The following FILIP1L variants were observed in gnomAD, a reference collection of about 807,000 sequenced individuals.
FILIP1L encodes filamin A interacting protein 1 like.
Under a neutral mutation model 96.6 loss-of-function variants are expected in FILIP1L, and 55 were observed. That is an observed-to-expected ratio of 0.57 (90% CI 0.46 to 0.71). The LOEUF is 0.71. Among genes scored for constraint, FILIP1L ranks in the 30% least tolerant of loss-of-function variants. FILIP1L has a pLI of 0.00. For missense variants in FILIP1L, 1,304 were observed against 1,321.2 expected (o/e 0.99, Z 0.20); for synonymous variants, 467 against 473.9 (o/e 0.99, Z 0.19).
At chr3:100,020,643 C>G (rs546226327) in intron 1 of FILIP1L, among the ~76,000 whole-genome samples, 2 of 150,840 alleles carry the variant, frequency 1.3e-5, no homozygotes, top group African/African-American at 4.9e-5. Flanking sequence ...TTAAAATAGT[C>G]TTAAAGTTCT....
chr3:99,867,472 A>C (rs1944578953), intron 4 of FILIP1L, among the ~76,000 whole-genome samples: 1 of 152,220 alleles, frequency 6.6e-6, no homozygotes, highest in Non-Finnish European at 1.5e-5. Flanking sequence ...TTTAAAGTTT[A>C]CTAATTCACA....
At chr3:100,009,993 A>G (rs1710097597) in intron 1 of FILIP1L, 1 of 155,882 alleles carries the variant, frequency 6.4e-6, no homozygotes, top group Non-Finnish European at 1.4e-5. Flanking sequence ...GTGTTTCCTG[A>G]TCTGGTATAG....
At chr3:100,006,934 A>C (rs1004374350) in intron 1 of FILIP1L, among the ~76,000 whole-genome samples, 2 of 152,216 alleles carry the variant, frequency 1.3e-5, no homozygotes, top group African/African-American at 2.4e-5. Flanking sequence ...AACTTGTTTT[A>C]AAAAGTGTTT....
At chr3:99,963,580 G>A (rs1708556439) in intron 1 of FILIP1L, among the ~76,000 whole-genome samples, 1 of 152,014 alleles carries the variant, frequency 6.6e-6, no homozygotes, top group Non-Finnish European at 1.5e-5. Flanking sequence ...ACTCCTCTTT[G>A]CCTTGATGGT....
At chr3:99,997,699 C>T (rs1343474093) in intron 1 of FILIP1L, among the ~76,000 whole-genome samples, 1 of 151,970 alleles carries the variant, frequency 6.6e-6, no homozygotes, top group African/African-American at 2.4e-5. Flanking sequence ...AATAATAGAG[C>T]AGATTTATTA....
intron 1 of FILIP1L, among the ~76,000 whole-genome samples, chr3:99,977,211 C>A (rs1030922919): frequency 5.9e-5 from 9 of 152,184 alleles, no homozygotes; most frequent in African/African-American, 2.2e-4. Context: ...ACAGGCAGCA[C>A]AGCCTGCAAA....
intron 1 of FILIP1L, among the ~76,000 whole-genome samples, chr3:99,956,665 G>C (rs898788067): frequency 2.0e-5 from 3 of 152,196 alleles, no homozygotes; most frequent in African/African-American, 7.2e-5. Flanking sequence ...GTAAGCTTTG[G>C]ATCATAAGCA....
intron 1 of FILIP1L, among the ~76,000 whole-genome samples, chr3:99,986,267 A>G (rs4571265): frequency 0.81 from 123,404 of 152,170 alleles, 50,327 homozygotes; most frequent in African/African-American, 0.9. Flanking sequence ...TGAATGGGAT[A>G]TGTCCCAGGA....
At chr3:99,992,922 G>T (rs1709565806) in intron 1 of FILIP1L, among the ~76,000 whole-genome samples, 1 of 151,894 alleles carries the variant, frequency 6.6e-6, no homozygotes, top group East Asian at 1.9e-4. Context: ...TGAACAGGTT[G>T]TCATTTCCTA....
At chr3:100,037,639 A>G (rs1467223804) in intron 1 of FILIP1L, among the ~76,000 whole-genome samples, 5 of 152,230 alleles carry the variant, frequency 3.3e-5, no homozygotes, top group African/African-American at 1.2e-4. Flanking sequence ...TAACATAGAA[A>G]TAGTGTCCCA....
chr3:99,900,015 T>C (rs2107625217), intron 4 of FILIP1L, among the ~76,000 whole-genome samples: 1 of 152,350 alleles, frequency 6.6e-6, no homozygotes, highest in South Asian at 2.1e-4. Flanking sequence ...AACCAACTTG[T>C]CAGGACTTTA....
intron 1 of FILIP1L, chr3:100,040,340 CA>C (rs1295653302): frequency 2.0e-5 from 3 of 151,852 alleles, no homozygotes; most frequent in Non-Finnish European, 2.9e-5. Context: ...ACTATTTATC[CA>C]GGCCATAAAC....
chr3:100,067,675 GATA>G, intron 1 of FILIP1L, among the ~76,000 whole-genome samples: 1 of 152,254 alleles, frequency 6.6e-6, no homozygotes, highest in Middle Eastern at 3.4e-3. Flanking sequence ...ATACTGGTTT[GATA>G]ATAAACTGAT....
At chr3:99,990,449 T>C (rs374431530) in intron 1 of FILIP1L, among the ~76,000 whole-genome samples, 3 of 152,342 alleles carry the variant, frequency 2.0e-5, no homozygotes, top group African/African-American at 7.2e-5. Flanking sequence ...GAACACTAAA[T>C]GTTCAGCCCC....
At position 99,849,231 on chromosome 3, in the gene FILIP1L, G is replaced by T; in HGVS notation, c.2445C>A (p.Leu815=). The change falls in exon 5 of 6, where the codon CTC becomes CTA. Residue 815 remains leucine, a synonymous_variant. Coordinates refer to ENST00000477258, the MANE Select transcript of FILIP1L (RefSeq NM_001387850.1). The part of the protein sequence containing the change: ...VDNEPPDYKS[L]IPLERAVING... ...TGATGACTGCACGTTCCAGAGGAATGAGGCTCTTGTAATCAGGTGGTTCAT... is the reference window on the plus strand; with the variant it reads ...TGATGACTGCACGTTCCAGAGGAATTAGGCTCTTGTAATCAGGTGGTTCAT... 1 of 1,614,186 alleles carries T rather than the reference G, an allele frequency of 6.2e-7. No homozygotes were observed. Among genetic ancestry groups the T allele is most frequent in the Non-Finnish European group, 8.5e-7 (1 of 1,180,030 alleles).
chr3:99,967,040 G>C lies in FILIP1L; in HGVS notation c.-10-36010C>G, dbSNP rs1034161871. 3.9e-5 allele frequency among the ~76,000 whole-genome samples: 6 copies of C among 152,290 alleles called. No individual in the cohort carries two copies. In the East Asian group the frequency reaches 1.2e-3, roughly 29 times the overall value. On this transcript the variant is annotated intron_variant, in intron 1 of 5. Transcript: ENST00000477258. ...GATCCCTATTGAGAAGAAATGATAA[G>C]AGAGGGAAAGGATATGGGGCAAGAA...
chr3:100,013,210 T>TGAG (rs998130241), intron 1 of FILIP1L, among the ~76,000 whole-genome samples: 2 of 134,558 alleles, frequency 1.5e-5, no homozygotes, highest in African/African-American at 5.7e-5. Context: ...TCAAGGCCAG[T>TGAG]GAGGTGTTGT....
In FILIP1L at chr3:99,837,761, T is replaced by C. The variant is rs150283315; in HGVS notation, c.3382-7156A>G. ...CAGTCTTATTAAGTTACAGTGTTCC[T>C]TGAGAAATAGAAATCCAGATTTAGA... On this transcript the variant is annotated intron_variant, in intron 5 of 5. Coordinates refer to ENST00000477258, the MANE Select transcript of FILIP1L (RefSeq NM_001387850.1). Among the ~76,000 whole-genome samples, 493 of 152,340 alleles carry C rather than the reference T, an allele frequency of 3.2e-3. 5 individuals are homozygous for C. Among genetic ancestry groups the C allele is most frequent in the African/African-American group, 0.011 (471 of 41,566 alleles).
intron 4 of FILIP1L, among the ~76,000 whole-genome samples, chr3:99,891,570 G>T (rs1233084865): frequency 5.3e-5 from 8 of 151,376 alleles, no homozygotes; most frequent in Admixed American, 1.3e-4. Flanking sequence ...GATTTTTTGG[G>T]TTTTTTTTGT....
Sources: gnomAD v4.1 joint callset for allele counts (sites outside exome capture counted in the v4.1 genomes callset) on GRCh38, gnomAD v4.1.1 for gene constraint, MANE v1.5 for transcripts, NCBI Gene and HGNC (gene_info 2026-07-23, HGNC 2026-07-21) for gene names.